The following MYH11 variants were observed in gnomAD, a reference collection of about 807,000 sequenced individuals.
The protein encoded by MYH11 is myosin-11.
A neutral mutation model predicts 246.6 loss-of-function variants in MYH11; 80 were observed. The ratio of observed to expected loss-of-function variants is 0.32; its 90% CI spans 0.27 to 0.39. The LOEUF (loss-of-function observed/expected upper bound fraction) is 0.39. Among genes scored for constraint, MYH11 ranks in the 10% least tolerant of loss-of-function variants. The pLI is 1.00. For missense variants in MYH11, 2,158 were observed against 2,546.8 expected (o/e 0.85, Z 3.29); for synonymous variants, 1,071 against 1,015.5 (o/e 1.05, Z -1.04).
chr16:15,840,823 GA>G (rs2044033028), intron 1 of MYH11, among the ~76,000 whole-genome samples: 1 of 152,042 alleles, frequency 6.6e-6, no homozygotes. Flanking sequence ...TTTTTAAGTT[GA>G]AAAAACTCAC....
intron 34 of MYH11, 89 bp downstream of exon 34, chr16:15,720,062 C>T (rs1160998749): frequency 1.3e-6 from 2 of 1,569,118 alleles, no homozygotes; most frequent in Admixed American, 1.7e-5. Flanking sequence ...TGCAGGCTTG[C>T]TTCCTGGAGC....
rs558517170 is a variant in MYH11, at chr16:15,720,825, C to G, written c.4791+14G>C. The G allele has an allele frequency of 9.3e-6, 15 of 1,612,854 alleles. No homozygotes were observed. In the East Asian group the frequency reaches 3.3e-4, roughly 36 times the overall value. The stretch of plus-strand genomic sequence containing the variant: ...ACCCGACCTCCCTCTGCTGGCCTCC[C>G]CGGCAGCACGCACCTGTCTCTGCAG... On this transcript the variant is annotated intron_variant, in intron 33 of 40. Coordinates refer to ENST00000300036, the MANE Select transcript of MYH11 (RefSeq NM_002474.3).
intron 26 of MYH11, 26 bp downstream of exon 26, chr16:15,735,340 G>T (rs1195840301): frequency 1.2e-6 from 2 of 1,611,814 alleles, no homozygotes; most frequent in Non-Finnish European, 8.5e-7. Flanking sequence ...GGGATAGCAG[G>T]ATGGTGGGAT....
At chr16:15,720,112 C>T (rs1326560173) in intron 34 of MYH11, 39 bp downstream of exon 34, 1 of 1,613,854 alleles carries the variant, frequency 6.2e-7, no homozygotes, top group Non-Finnish European at 8.5e-7. Flanking sequence ...GAACTGTGCC[C>T]TCCCTCCACC....
At chr16:15,759,821 G>T in intron 11 of MYH11, 93 bp from the exon 12 acceptor site, 2 of 1,502,768 alleles carry the variant, frequency 1.3e-6, no homozygotes, top group African/African-American at 1.4e-5. Context: ...TTCTTGGCCG[G>T]GTGCAGTGAC....
intron 1 of MYH11, among the ~76,000 whole-genome samples, chr16:15,846,006 G>A (rs1484223307): frequency 6.6e-6 from 1 of 152,126 alleles, no homozygotes; most frequent in African/African-American, 2.4e-5. Context: ...GGCTGAGTCA[G>A]GAGAATCACT....
intron 10 of MYH11, among the ~76,000 whole-genome samples, chr16:15,761,028 C>CATA (rs2041855837): frequency 1.3e-5 from 2 of 152,198 alleles, no homozygotes; most frequent in African/African-American, 4.8e-5. Context: ...CTCTTCGGTA[C>CATA]CTTGTTGGTA....
At chr16:15,738,159 A>G (rs1465115930) in intron 24 of MYH11, among the ~76,000 whole-genome samples, 1 of 151,966 alleles carries the variant, frequency 6.6e-6, no homozygotes, top group Non-Finnish European at 1.5e-5. Context: ...GTTGTCACTC[A>G]TGGGATGATC....
rs2041545062 is a variant in MYH11 at position 15,750,746 on chromosome 16, AT to A, written c.1865-416del. Among the ~76,000 whole-genome samples the A allele has an allele frequency of 6.6e-6, 1 of 151,900 alleles. No individual in the cohort carries two copies. Among genetic ancestry groups the A allele is most frequent in the Non-Finnish European group, 1.5e-5 (1 of 67,962 alleles). On this transcript the variant is annotated intron_variant, in intron 15 of 40. Coordinates refer to ENST00000300036, the MANE Select transcript of MYH11 (RefSeq NM_002474.3). The surrounding 1 kb of genome is among the most constrained non-coding windows in gnomAD (Gnocchi z 4.3). ...CCTCCAATCTTTCATCCACCAACAA[AT>A]AGTTATTGAGGACCTTCTGTGCTCC...
In MYH11 at chr16:15,721,065, G is replaced by A. The variant is rs377410503; in HGVS notation, c.4579-14C>T. ...CAGCTCATGGACCTGCCGGCAGAGC[G>A]GGCAGCCCCATTCTATGAGGCTCAA... On this transcript the variant is annotated splice_polypyrimidine_tract_variant and intron_variant, in intron 32 of 40. Coordinates refer to ENST00000300036, the MANE Select transcript of MYH11 (RefSeq NM_002474.3). 110 of 1,612,870 alleles carry A rather than the reference G, an allele frequency of 6.8e-5. No homozygotes were observed. Among genetic ancestry groups the A allele is most frequent in the Middle Eastern group, 3.3e-4 (2 of 6,084 alleles).
chr16:15,847,920 A>T (rs1438554117), intron 1 of MYH11, among the ~76,000 whole-genome samples: 1 of 152,126 alleles, frequency 6.6e-6, no homozygotes, highest in Non-Finnish European at 1.5e-5. Context: ...GCTGGGGTGG[A>T]GCTGCGGAGG....
intron 4 of MYH11, among the ~76,000 whole-genome samples, chr16:15,788,809 T>G (rs900455819): frequency 4.6e-5 from 5 of 109,854 alleles, no homozygotes; most frequent in Non-Finnish European, 9.8e-5. Context: ...TGTGTGTGTG[T>G]GTGTGTGTGT....
chr16:15,778,040 A>T (rs10852375), intron 7 of MYH11, among the ~76,000 whole-genome samples: 64,210 of 151,850 alleles, frequency 0.42, 13,655 homozygotes, highest in Middle Eastern at 0.48. Flanking sequence ...CAGGTCCTAT[A>T]CATTGCCAAG....
intron 1 of MYH11, among the ~76,000 whole-genome samples, chr16:15,850,914 AAG>A (rs1349605345): frequency 1.3e-5 from 2 of 151,986 alleles, no homozygotes; most frequent in East Asian, 3.9e-4. Flanking sequence ...AAAAAGAAAA[AAG>A]AAAAATTGCT....
At chr16:15,778,896 C>T (rs1321974848) in intron 6 of MYH11, 53 bp from the exon 7 acceptor site, 12 of 1,568,922 alleles carry the variant, frequency 7.6e-6, no homozygotes, top group Non-Finnish European at 9.7e-6. Flanking sequence ...CAGCCGTTAA[C>T]CCCATGCTGT....
At chr16:15,809,243 T>G (rs192500051) in intron 3 of MYH11, among the ~76,000 whole-genome samples, 1 of 152,250 alleles carries the variant, frequency 6.6e-6, no homozygotes, top group African/African-American at 2.4e-5. Flanking sequence ...ATCAATATTG[T>G]TAGAATGACC....
intron 1 of MYH11, among the ~76,000 whole-genome samples, chr16:15,844,629 G>A (rs2044141683): frequency 6.6e-6 from 1 of 152,176 alleles, no homozygotes; most frequent in Non-Finnish European, 1.5e-5. Context: ...GCCAAGGCAG[G>A]AGGATTGCTT....
rs1458992089 is a variant in MYH11 at position 15,717,362 on chromosome 16, T to A, written c.5296-14A>T. On this transcript the variant is annotated splice_polypyrimidine_tract_variant and intron_variant, in intron 37 of 40. Transcript: ENST00000300036. ...GAGCTGCTCGGCCTGGGGAGGAGAG[T>A]GAAGGCCATGAGGCGGACTCAGGGA... The A allele has an allele frequency of 1.2e-6, 2 of 1,602,864 alleles. No individual in the cohort carries two copies. The highest frequency in any genetic ancestry group is 1.7e-4 in the Middle Eastern group (1 of 6,044).
At position 15,786,690 on chromosome 16, in the gene MYH11, G is replaced by T. The variant is rs763981310; in HGVS notation, c.573C>A (p.Val191=). ...AGGCCACCACGGCCAGGTACTGAAT[G>T]ACCTTCTTGGTGTTTTCGGTTTTCC... ...GAGKTENTKK[V]IQYLAVVASS... The change falls in exon 5 of 41, where the codon GTC becomes GTA. Residue 191 remains valine (V), a synonymous_variant. Transcript: ENST00000300036. The T allele has an allele frequency of 6.2e-7, 1 of 1,614,132 alleles. No homozygotes were observed.
Sources: allele counts gnomAD v4.1 joint callset (sites outside exome capture counted in the v4.1 genomes callset), GRCh38; gene constraint gnomAD v4.1.1; non-coding constraint Gnocchi (gnomAD v3.1); transcripts MANE v1.5; gene names NCBI Gene and HGNC (gene_info 2026-07-23, HGNC 2026-07-21).